Variants in SPAG17 observed in about 807,000 individuals in gnomAD.
SPAG17 encodes the protein sperm associated antigen 17, also known as sperm-associated antigen 17.
In SPAG17, 169 loss-of-function variants were observed where a neutral mutation model predicts 273.6. That is an observed-to-expected ratio of 0.62 (90% CI 0.55 to 0.70). The LOEUF is 0.70. Ranked by LOEUF, SPAG17 falls within the 30% of genes least tolerant of loss-of-function variation. The pLI, the probability that SPAG17 is intolerant of heterozygous loss-of-function variation, is 0.00. For synonymous variants in SPAG17, 825 were observed against 873.2 expected, an observed-to-expected ratio of 0.94 and a Z score of 0.97; for missense variants, 2,557 against 2,627.8, an observed-to-expected ratio of 0.97 and a Z score of 0.59.
Position 117,981,461 on chromosome 1 carries a change from T to A in SPAG17, c.5873-60A>T, listed in dbSNP as rs1655794709. On this transcript the variant is annotated intron_variant, in intron 42 of 48. Coordinates refer to ENST00000336338, the MANE Select transcript of SPAG17 (RefSeq NM_206996.4). ...TTTTGTAAAATGATATAATGACTACTAATGTTTGCATGAACAAACATTGAA... is the reference window on the plus strand; with the variant it reads ...TTTTGTAAAATGATATAATGACTACAAATGTTTGCATGAACAAACATTGAA... The A allele has an allele frequency of 2.7e-6, 4 of 1,508,706 alleles. No homozygotes were observed. In the South Asian group the frequency reaches 5.2e-5, roughly 20 times the overall value. 93.5% of individuals were successfully genotyped at this position (1,508,706 alleles called of 1,614,324 possible).
chr1:118,023,865 A>T (rs536398810), intron 27 of SPAG17, among the ~76,000 whole-genome samples: 1 of 152,186 alleles, frequency 6.6e-6, no homozygotes, highest in East Asian at 1.9e-4. Context: ...TGTAGTTTCT[A>T]TTAATATCTA....
At chr1:118,178,706 C>T (rs1428011236) in intron 1 of SPAG17, among the ~76,000 whole-genome samples, 1 of 151,892 alleles carries the variant, frequency 6.6e-6, no homozygotes, top group Non-Finnish European at 1.5e-5. Context: ...ACCAAAGAGA[C>T]TGTTAGAACT....
At position 118,091,991 on chromosome 1, in the gene SPAG17, A is replaced by G. The variant is rs1190328471; in HGVS notation, c.1185T>C (p.Pro395=). ...EAMPTSEAPQ[P]AVPAPGKKKA... is the part of the protein sequence containing the mutation. The stretch of plus-strand genomic sequence containing the variant: ...TCTTCTTTCCAGGAGCTGGTACAGC[A>G]GGTTGTGGAGCCTAGAAAAAGAATA... Residue 395 remains proline, a synonymous_variant, in exon 9 of 49, where the codon CCT becomes CCC. Coordinates refer to ENST00000336338, the MANE Select transcript of SPAG17 (RefSeq NM_206996.4). 1 of 1,613,556 alleles carries G rather than the reference A, an allele frequency of 6.2e-7. No homozygotes were observed. The highest frequency in any genetic ancestry group is 1.1e-5 in the South Asian group (1 of 91,068).
At chr1:117,974,482 TAATAC>T (rs1179482940) in intron 43 of SPAG17, among the ~76,000 whole-genome samples, 5 of 152,086 alleles carry the variant, frequency 3.3e-5, no homozygotes, top group Non-Finnish European at 5.9e-5. Context: ...CAACATTATA[TAATAC>T]AATACAACAT....
At chr1:118,075,146 T>G (rs570221389) in intron 15 of SPAG17, among the ~76,000 whole-genome samples, 3 of 152,218 alleles carry the variant, frequency 2.0e-5, no homozygotes, top group Non-Finnish European at 4.4e-5. Context: ...AATCATTTAT[T>G]AACTTAAAAA....
chr1:118,081,664 G>T, intron 13 of SPAG17, 22 bp from the exon 14 acceptor site: 2 of 1,585,022 alleles, frequency 1.3e-6, no homozygotes, highest in African/African-American at 1.3e-5. Flanking sequence ...CAGAACCAGT[G>T]CTGCTGGAAA....
At chr1:118,075,795 C>T (rs1298556414) in intron 15 of SPAG17, among the ~76,000 whole-genome samples, 1 of 152,132 alleles carries the variant, frequency 6.6e-6, no homozygotes, top group Non-Finnish European at 1.5e-5. Flanking sequence ...TCTTGAGGGT[C>T]TTGCACTTTC....
chr1:118,116,824 T>A (rs1272924114), intron 3 of SPAG17, among the ~76,000 whole-genome samples: 1 of 152,226 alleles, frequency 6.6e-6, no homozygotes, highest in Non-Finnish European at 1.5e-5. Context: ...CAGAAATCCC[T>A]GCAAGGACTC....
At chr1:118,048,652 C>T (rs968924815) in intron 20 of SPAG17, among the ~76,000 whole-genome samples, 1 of 152,178 alleles carries the variant, frequency 6.6e-6, no homozygotes, top group South Asian at 2.1e-4. Flanking sequence ...AATCCCAGCA[C>T]TTTGGGAGGC....
rs1325933287 is a variant in SPAG17, at chr1:118,134,156, A to G, written c.315+16387T>C. On this transcript the variant is annotated intron_variant, in intron 3 of 48. Coordinates refer to ENST00000336338, the MANE Select transcript of SPAG17 (RefSeq NM_206996.4). ...TGACCCAGTAATTCTACTTTATGAAATTTTCATAAGGAAACAATCAGGGTC... is the reference window on the plus strand; with the variant it reads ...TGACCCAGTAATTCTACTTTATGAAGTTTTCATAAGGAAACAATCAGGGTC... Among the ~76,000 whole-genome samples, 9 of 152,222 alleles carry G rather than the reference A, an allele frequency of 5.9e-5. 1 individual carries two copies. The highest frequency in any genetic ancestry group is 1.5e-5 in the Non-Finnish European group (1 of 68,036).
intron 25 of SPAG17, among the ~76,000 whole-genome samples, chr1:118,031,310 A>C (rs1402234183): frequency 6.6e-6 from 1 of 151,778 alleles, no homozygotes; most frequent in African/African-American, 2.4e-5. Context: ...TGTTTGGTTA[A>C]ATATATTTTT....
intron 28 of SPAG17, among the ~76,000 whole-genome samples, chr1:118,019,062 T>C (rs1036610248): frequency 1.4e-5 from 2 of 147,648 alleles, no homozygotes; most frequent in Non-Finnish European, 3.0e-5. Context: ...TGCACTTTTA[T>C]ACCAGCTCAA....
intron 15 of SPAG17, 78 bp from the exon 16 acceptor site, chr1:118,074,678 T>G: frequency 7.7e-7 from 1 of 1,296,160 alleles, no homozygotes; most frequent in Non-Finnish European, 1.1e-6. Context: ...TGCTTTTTTG[T>G]TGCCCATATG....
At chr1:118,032,795 T>C (rs1268105153) in intron 24 of SPAG17, among the ~76,000 whole-genome samples, 1 of 152,060 alleles carries the variant, frequency 6.6e-6, no homozygotes, top group Non-Finnish European at 1.5e-5. Context: ...GGTTTCACCA[T>C]GTTGACCAAG....
intron 47 of SPAG17, 79 bp downstream of exon 47, chr1:117,966,530 C>A: frequency 8.1e-7 from 1 of 1,240,774 alleles, no homozygotes. Flanking sequence ...AGTAGAGATG[C>A]ATTTTGACTT....
At chr1:117,992,673 AC>A (rs1333290773) in intron 35 of SPAG17, 25 bp from the exon 36 acceptor site, 17 of 1,525,390 alleles carry the variant, frequency 1.1e-5, no homozygotes, top group Non-Finnish European at 1.4e-5. Context: ...AAGCAATAAC[AC>A]CACCAAAGAA....
intron 4 of SPAG17, among the ~76,000 whole-genome samples, chr1:118,106,524 G>A (rs1055649964): frequency 6.6e-6 from 1 of 152,140 alleles, no homozygotes; most frequent in Non-Finnish European, 1.5e-5. Flanking sequence ...TAACAGCCAA[G>A]CTTTGGATCA....
intron 32 of SPAG17, among the ~76,000 whole-genome samples, chr1:118,000,765 A>G (rs998985452): frequency 6.6e-6 from 1 of 152,294 alleles, no homozygotes; most frequent in African/African-American, 2.4e-5. Context: ...TGTCATCTGC[A>G]AACAGGGACA....
chr1:118,123,596 T>C (rs1657540503), intron 3 of SPAG17, among the ~76,000 whole-genome samples: 1 of 152,176 alleles, frequency 6.6e-6, no homozygotes. Context: ...TGATGATAAA[T>C]ATCTGTAGCA....
Sources: allele counts gnomAD v4.1 joint callset (sites outside exome capture counted in the v4.1 genomes callset), GRCh38; gene constraint gnomAD v4.1.1; transcripts MANE v1.5; gene names NCBI Gene and HGNC (gene_info 2026-07-23, HGNC 2026-07-21).